PCDHGA1: variants seen among roughly 807,000 people sequenced by gnomAD.
The protein encoded by PCDHGA1 is protocadherin gamma subfamily A, 1, also known as protocadherin gamma-A1.
A neutral mutation model predicts 58.0 loss-of-function variants in PCDHGA1; 32 were observed. That is an observed-to-expected ratio of 0.55 (90% CI 0.42 to 0.74). The LOEUF (loss-of-function observed/expected upper bound fraction) is 0.74, where lower values mean the gene tolerates loss of function less well. Ranked by LOEUF, PCDHGA1 falls within the 30% of genes least tolerant of loss-of-function variation. PCDHGA1 has a pLI of 0.00. For synonymous variants in PCDHGA1, 498 were observed against 501.1 expected (o/e 0.99, Z 0.08); for missense variants, 1,205 against 1,182.3 (o/e 1.02, Z -0.28).
intron 1 of PCDHGA1, chr5:141,374,159 G>C: frequency 6.2e-7 from 1 of 1,612,288 alleles, no homozygotes. Context: ...GCTGTGGGGG[G>C]CCGCGGCAGC....
intron 1 of PCDHGA1, chr5:141,394,634 C>T (rs764703837): frequency 2.5e-6 from 4 of 1,613,328 alleles, no homozygotes; most frequent in Non-Finnish European, 1.7e-6. Flanking sequence ...TGTCCTACCG[C>T]CTGCTCAAGG....
chr5:141,387,388 T>C (rs1323763140), intron 1 of PCDHGA1, among the ~76,000 whole-genome samples: 3 of 152,196 alleles, frequency 2.0e-5, no homozygotes, highest in Non-Finnish European at 2.9e-5. Flanking sequence ...ATATAGATAG[T>C]GCATGTTTGA....
rs1756397992 is a variant in PCDHGA1, at chr5:141,332,261, G to A, written c.1577G>A (p.Arg526Gln). 7.4e-6 allele frequency: 12 copies of A among 1,614,198 alleles called. No individual in the cohort carries two copies. The highest frequency in any genetic ancestry group is 1.6e-4 in the Middle Eastern group (1 of 6,062). The change falls in exon 1 of 4, where the codon CGG becomes CAG. Residue 526 changes from arginine to glutamine, a missense_variant. Transcript: ENST00000517417. The surrounding 1 kb of genome is among the most constrained non-coding windows in gnomAD (Gnocchi z 4.6). ...CGATCCTTCGACTATGAGCAGTTCCGGGACATGCAACTGAAAGTGATGGCG... is the reference window on the plus strand; with the variant it reads ...CGATCCTTCGACTATGAGCAGTTCCAGGACATGCAACTGAAAGTGATGGCG... ...ALRSFDYEQF[R>Q]DMQLKVMARD...
chr5:141,428,233 C>A, intron 1 of PCDHGA1: 1 of 1,049,106 alleles, frequency 9.5e-7, no homozygotes, highest in Non-Finnish European at 1.4e-6. Context: ...AGACAGCCTG[C>A]AGGAGGCACT....
chr5:141,385,537 T>C (rs1486400401), intron 1 of PCDHGA1: 7 of 1,341,300 alleles, frequency 5.2e-6, no homozygotes, highest in Non-Finnish European at 6.7e-6. Flanking sequence ...ATTATGAATA[T>C]GTGGACTATC....
At chr5:141,339,037 C>T (rs1365598786) in intron 1 of PCDHGA1, 9 of 1,603,578 alleles carry the variant, frequency 5.6e-6, no homozygotes, top group Non-Finnish European at 7.7e-6. Context: ...TTTTGGCGAC[C>T]CTGTGGGAGG....
chr5:141,409,014 AG>A, intron 1 of PCDHGA1: 1 of 1,614,014 alleles, frequency 6.2e-7, no homozygotes, highest in Non-Finnish European at 8.5e-7. Context: ...GACCAGGATG[AG>A]GGGGTCAATG....
intron 1 of PCDHGA1, among the ~76,000 whole-genome samples, chr5:141,353,611 A>C (rs1166298432): frequency 6.6e-6 from 1 of 152,172 alleles, no homozygotes; most frequent in Non-Finnish European, 1.5e-5. Context: ...ACCATTCCTA[A>C]ATTATTTGTT....
intron 1 of PCDHGA1, chr5:141,365,140 T>A (rs1248275152): frequency 6.2e-7 from 1 of 1,613,764 alleles, no homozygotes; most frequent in African/African-American, 1.3e-5. Flanking sequence ...CGGATCCAGA[T>A]GAGGGAATAA....
chr5:141,500,124 A>G (rs1042231430), intron 2 of PCDHGA1, among the ~76,000 whole-genome samples: 2 of 151,656 alleles, frequency 1.3e-5, no homozygotes, highest in African/African-American at 2.4e-5. Flanking sequence ...GCCTTTTCAT[A>G]TATATCTTTC....
intron 1 of PCDHGA1, chr5:141,415,577 C>G (rs776744277): frequency 2.5e-6 from 4 of 1,613,744 alleles, no homozygotes; most frequent in South Asian, 2.2e-5. Flanking sequence ...TTAGATGATT[C>G]GAAGTTTCCT....
intron 1 of PCDHGA1, chr5:141,409,411 AC>A (rs1172458730): frequency 6.2e-7 from 1 of 1,614,004 alleles, no homozygotes; most frequent in African/African-American, 1.3e-5. Flanking sequence ...ACTACTACAA[AC>A]TGGTGACAGA....
At chr5:141,371,474 T>A in intron 1 of PCDHGA1, 1 of 1,613,986 alleles carries the variant, frequency 6.2e-7, no homozygotes, top group South Asian at 1.1e-5. Flanking sequence ...AAGAAGATGC[T>A]GAGCTGGGGA....
chr5:141,361,503 C>T (rs368091522), intron 1 of PCDHGA1: 95 of 1,613,900 alleles, frequency 5.9e-5, no homozygotes, highest in Non-Finnish European at 7.5e-5. Context: ...AACAGACTTC[C>T]TACATGGTTC....
intron 1 of PCDHGA1, among the ~76,000 whole-genome samples, chr5:141,363,931 C>G (rs1415592577): frequency 6.6e-6 from 1 of 152,126 alleles, no homozygotes; most frequent in African/African-American, 2.4e-5. Flanking sequence ...GTATTGAGAT[C>G]TAATAATCAT....
chr5:141,372,451 C>T, intron 1 of PCDHGA1: 1 of 1,614,042 alleles, frequency 6.2e-7, no homozygotes, highest in Non-Finnish European at 8.5e-7. Context: ...GACCCTCAGG[C>T]GGAGCTACAG....
chr5:141,418,696 T>C, intron 1 of PCDHGA1: 1 of 1,614,034 alleles, frequency 6.2e-7, no homozygotes, highest in Non-Finnish European at 8.5e-7. Context: ...AGATCACTTA[T>C]TCCTTCTTTG....
intron 1 of PCDHGA1, chr5:141,404,276 G>A (rs754510135): frequency 6.2e-7 from 1 of 1,613,992 alleles, no homozygotes; most frequent in Non-Finnish European, 8.5e-7. Context: ...CACCCTGCAA[G>A]TGACTGACAT....
In PCDHGA1 at chr5:141,389,747, G is replaced by C. The variant is rs766506538; in HGVS notation, c.2421+56642G>C. 6 of 1,612,724 alleles carry C rather than the reference G, an allele frequency of 3.7e-6. No individual in the cohort carries two copies. The South Asian group carries it at 4.4e-5, about 12-fold the overall frequency. ...GGCTCTTCAGCCTGGGGCTGCGCAC[G>C]GGCGAAGTGCGCACAGCGCGTGCCT... is the stretch of plus-strand genomic sequence containing the variant. On this transcript the variant is annotated intron_variant, in intron 1 of 3. Coordinates refer to ENST00000517417, the MANE Select transcript of PCDHGA1 (RefSeq NM_018912.3).
Sources: gnomAD v4.1 joint callset for allele counts (sites outside exome capture counted in the v4.1 genomes callset) on GRCh38, gnomAD v4.1.1 for gene constraint, Gnocchi (gnomAD v3.1) non-coding constraint, MANE v1.5 for transcripts, NCBI Gene and HGNC (gene_info 2026-07-23, HGNC 2026-07-21) for gene names.